KLHDC1: variants seen among roughly 807,000 people sequenced by gnomAD.
KLHDC1 encodes the protein kelch domain-containing protein 1.
KLHDC1 carries 53 observed loss-of-function variants against 68.3 expected under a neutral mutation model. The ratio of observed to expected loss-of-function variants is 0.78; its 90% CI spans 0.62 to 0.98. The LOEUF (loss-of-function observed/expected upper bound fraction) is 0.98. Ranked by LOEUF, KLHDC1 falls within the 50% of genes least tolerant of loss-of-function variation. The pLI, the probability that KLHDC1 is intolerant of heterozygous loss-of-function variation, is 0.00. For missense variants in KLHDC1, 470 were observed against 492.3 expected (o/e 0.95, Z 0.43); for synonymous variants, 148 against 159.0 (o/e 0.93, Z 0.52).
intron 1 of KLHDC1, chr14:49,708,665 C>T (rs185093986): frequency 1.3e-5 from 2 of 153,116 alleles, no homozygotes; most frequent in Admixed American, 6.5e-5. Context: ...CTATGCCTTG[C>T]ATATAGTAGG....
intron 10 of KLHDC1, among the ~76,000 whole-genome samples, chr14:49,736,651 TCTC>T (rs1283875891): frequency 6.6e-6 from 1 of 152,156 alleles, no homozygotes; most frequent in Non-Finnish European, 1.5e-5. Flanking sequence ...GCTGCCCAAT[TCTC>T]CTCTTAGAAC....
intron 12 of KLHDC1, among the ~76,000 whole-genome samples, chr14:49,750,631 T>G (rs1889300827): frequency 6.6e-6 from 1 of 152,186 alleles, no homozygotes; most frequent in South Asian, 2.1e-4. Context: ...AATGAGTCTG[T>G]TAAAAAAATT....
At chr14:49,748,325 C>T (rs1206430436) in intron 12 of KLHDC1, among the ~76,000 whole-genome samples, 1 of 152,134 alleles carries the variant, frequency 6.6e-6, no homozygotes, top group Non-Finnish European at 1.5e-5. Flanking sequence ...GACACTGGAT[C>T]CTTGACTGTG....
intron 10 of KLHDC1, among the ~76,000 whole-genome samples, chr14:49,735,723 G>A (rs1451005042): frequency 6.6e-6 from 1 of 152,096 alleles, no homozygotes; most frequent in Non-Finnish European, 1.5e-5. Flanking sequence ...AGGAAACTGA[G>A]CATTGGCCAG....
At chr14:49,701,647 G>A (rs780305272) in intron 1 of KLHDC1, among the ~76,000 whole-genome samples, 1 of 151,978 alleles carries the variant, frequency 6.6e-6, no homozygotes, top group Admixed American at 6.6e-5. Context: ...CAACAAGAGC[G>A]AAACTCCGTA....
chr14:49,727,050 AC>A (rs144208929), intron 6 of KLHDC1, among the ~76,000 whole-genome samples: 8,132 of 152,130 alleles, frequency 0.053, 377 homozygotes, highest in Non-Finnish European at 0.077. Flanking sequence ...TTCGAGACCA[AC>A]CTGGGCAACA....
intron 11 of KLHDC1, among the ~76,000 whole-genome samples, chr14:49,742,407 C>T (rs1022061452): frequency 2.0e-5 from 3 of 150,540 alleles, no homozygotes; most frequent in Non-Finnish European, 3.0e-5. Context: ...TGGTGGCTCA[C>T]GCCTGTAATC....
At chr14:49,693,625 C>G (rs1345642844) in intron 1 of KLHDC1, among the ~76,000 whole-genome samples, 1 of 151,902 alleles carries the variant, frequency 6.6e-6, no homozygotes, top group South Asian at 2.1e-4. Flanking sequence ...TGGCGCAGAC[C>G]TAGAAGGACC....
chr14:49,698,619 G>A (rs962553358), intron 1 of KLHDC1, among the ~76,000 whole-genome samples: 9 of 151,840 alleles, frequency 5.9e-5, no homozygotes, highest in African/African-American at 1.9e-4. Context: ...GGGTTCAAGC[G>A]ATTCTCCTGC....
chr14:49,733,711 G>A (rs1449602109), intron 9 of KLHDC1, among the ~76,000 whole-genome samples: 7 of 152,078 alleles, frequency 4.6e-5, no homozygotes, highest in Non-Finnish European at 8.8e-5. Flanking sequence ...GTCAGCCACC[G>A]CACCTGGCCA....
intron 1 of KLHDC1, among the ~76,000 whole-genome samples, chr14:49,693,742 C>CTTTT (rs1566589138): frequency 6.6e-5 from 4 of 60,926 alleles, no homozygotes; most frequent in African/African-American, 2.2e-4. Context: ...ATTTTCTTTT[C>CTTTT]TTTTTCTTTT....
At chr14:49,693,748 C>CTTTTTTGTTTTTTTT (rs1887645959) in intron 1 of KLHDC1, among the ~76,000 whole-genome samples, 1 of 61,540 alleles carries the variant, frequency 1.6e-5, no homozygotes, top group Non-Finnish European at 3.4e-5. Flanking sequence ...TTTTCTTTTT[C>CTTTTTTGTTTTTTTT]TTTTTTTTTT....
At position 49,725,800 on chromosome 14, in the gene KLHDC1, T is replaced by C. The variant is rs540450371; in HGVS notation, c.567+31T>C. 12 of 1,140,800 alleles carry C rather than the reference T, an allele frequency of 1.1e-5. No individual in the cohort carries two copies. The East Asian group carries it at 2.8e-4, about 27-fold the overall frequency. 70.7% of individuals were successfully genotyped at this position (1,140,800 alleles called of 1,614,324 possible). On this transcript the variant is annotated intron_variant, in intron 6 of 12. Transcript: ENST00000359332. ...TGTGGTAAAAAGTCATCTTTATATATTTGTATTTAAAAATAAATTTTTTAC... is the reference window on the plus strand; with the variant it reads ...TGTGGTAAAAAGTCATCTTTATATACTTGTATTTAAAAATAAATTTTTTAC...
In KLHDC1 at chr14:49,729,497, G is replaced by C; in HGVS notation, c.659G>C (p.Arg220Thr). 6.2e-7 allele frequency: 1 copy of C among 1,608,558 alleles called. No homozygotes were observed. Among genetic ancestry groups the C allele is most frequent in the Non-Finnish European group, 8.5e-7 (1 of 1,175,346 alleles). Reference sequence around the variant, plus strand: ...AACACACTTTTCTTTTAGCAAACTAGGATGAATGATTTGCACTATCTAAAC... The same window carrying C: ...AACACACTTTTCTTTTAGCAAACTACGATGAATGATTTGCACTATCTAAAC... The part of the protein sequence containing the change: ...YIFGGRVLQT[R>T]MNDLHYLNLD... Residue 220 changes from arginine (R) to threonine (T), a missense_variant, in exon 8 of 13, where the codon AGG (arginine) becomes ACG (threonine). Coordinates refer to ENST00000359332, the MANE Select transcript of KLHDC1 (RefSeq NM_172193.3).
chr14:49,724,922 A>G (rs559947602), intron 5 of KLHDC1, among the ~76,000 whole-genome samples: 3 of 151,538 alleles, frequency 2.0e-5, no homozygotes, highest in Admixed American at 6.6e-5. Flanking sequence ...CAGAAGGATC[A>G]CTTGTACCAA....
intron 4 of KLHDC1, among the ~76,000 whole-genome samples, chr14:49,716,586 G>T (rs2139745655): frequency 6.6e-6 from 1 of 152,114 alleles, no homozygotes; most frequent in African/African-American, 2.4e-5. Context: ...GTTTCACCAT[G>T]TTGGCCAGGC....
chr14:49,704,030 G>A (rs1313774861), intron 1 of KLHDC1, among the ~76,000 whole-genome samples: 1 of 152,182 alleles, frequency 6.6e-6, no homozygotes, highest in Non-Finnish European at 1.5e-5. Flanking sequence ...GGAAATGTCA[G>A]ACTGTTACCA....
At chr14:49,704,387 G>T (rs1344813521) in intron 1 of KLHDC1, among the ~76,000 whole-genome samples, 231 of 68,474 alleles carry the variant, frequency 3.4e-3, no homozygotes, top group African/African-American at 4.5e-3. Context: ...TTCCTTTTCT[G>T]TTTTTTTTTT....
At chr14:49,744,009 G>A (rs1353710663) in intron 12 of KLHDC1, among the ~76,000 whole-genome samples, 5 of 152,042 alleles carry the variant, frequency 3.3e-5, no homozygotes, top group Non-Finnish European at 5.9e-5. Flanking sequence ...TACATGCGTG[G>A]CGTGATGACT....
Sources: allele counts gnomAD v4.1 joint callset (sites outside exome capture counted in the v4.1 genomes callset), GRCh38; gene constraint gnomAD v4.1.1; transcripts MANE v1.5; gene names NCBI Gene and HGNC (gene_info 2026-07-23, HGNC 2026-07-21).